Variants in ACSL3 observed in about 807,000 individuals in gnomAD.
ACSL3 encodes the protein fatty acid CoA ligase Acsl3.
Under a neutral mutation model 84.7 loss-of-function variants are expected in ACSL3, and 34 were observed. The ratio of observed to expected loss-of-function variants is 0.40; its 90% CI spans 0.31 to 0.53. ACSL3 has a LOEUF of 0.53. Among genes scored for constraint, ACSL3 ranks in the 20% least tolerant of loss-of-function variants. The pLI, the probability that ACSL3 is intolerant of heterozygous loss-of-function variation, is 0.48. For synonymous variants in ACSL3, 315 were observed against 299.4 expected, an observed-to-expected ratio of 1.05 and a Z score of -0.54; for missense variants, 680 against 873.1, an observed-to-expected ratio of 0.78 and a Z score of 2.79.
chr2:222,944,144 TCTACTTTC>T lies in ACSL3; in HGVS notation c.*2491_*2498del, dbSNP rs1203418002. On this transcript the variant is annotated 3_prime_UTR_variant, in exon 17 of 17. Transcript: ENST00000357430. ...ACACAGAACAAACCTGAAAGTAGTA[TCTACTTTC>T]TAAATACTACTTTGCTTTTCAGTAG... 2.6e-5 allele frequency: 4 copies of T among 152,134 alleles called. No individual in the cohort carries two copies. The highest frequency in any genetic ancestry group is 5.9e-5 in the Non-Finnish European group (4 of 67,984). The allele number at this position is 152,134 out of a possible 1,614,324, so 9.4% of individuals were successfully genotyped here.
intron 2 of ACSL3, among the ~76,000 whole-genome samples, chr2:222,893,349 T>A (rs1163129756): frequency 3.9e-5 from 6 of 152,154 alleles, no homozygotes; most frequent in African/African-American, 1.2e-4. Context: ...CTGCTTGCTC[T>A]GTCAGTAGGG....
At chr2:222,905,372 G>T (rs1159305135) in intron 3 of ACSL3, among the ~76,000 whole-genome samples, 2 of 152,116 alleles carry the variant, frequency 1.3e-5, no homozygotes, top group Non-Finnish European at 2.9e-5. Flanking sequence ...TATTGCCCCG[G>T]CTGGTCTTGA....
intron 11 of ACSL3, 129 bp downstream of exon 11, chr2:222,924,724 TA>T (rs1415077580): frequency 8.0e-6 from 9 of 1,118,822 alleles, no homozygotes; most frequent in Non-Finnish European, 1.1e-5. Context: ...GAGAACTCTT[TA>T]AAAAAAATCC....
chr2:222,872,155 G>A (rs1003868877), intron 1 of ACSL3, among the ~76,000 whole-genome samples: 4 of 152,080 alleles, frequency 2.6e-5, no homozygotes, highest in African/African-American at 7.2e-5. Context: ...ACGGAGTTTC[G>A]CTCTTGTTGC....
chr2:222,938,255 A>T lies in ACSL3; in HGVS notation c.2006-3242A>T, dbSNP rs552493250. On this transcript the variant is annotated intron_variant, in intron 16 of 16. Coordinates refer to ENST00000357430, the MANE Select transcript of ACSL3 (RefSeq NM_004457.5). ...GCCTATGTATTTACCTTTACCAAGG[A>T]GTATTGTAGTTTCTTATGGTTTTGT... 4.6e-5 allele frequency among the ~76,000 whole-genome samples: 7 copies of T among 152,160 alleles called. No homozygotes were observed. In the South Asian group the frequency reaches 1.2e-3, roughly 27 times the overall value.
chr2:222,926,760 A>G (rs1332670661), intron 11 of ACSL3, among the ~76,000 whole-genome samples: 2 of 152,220 alleles, frequency 1.3e-5, no homozygotes, highest in Non-Finnish European at 2.9e-5. Context: ...TCCTGTCACT[A>G]TACAAAACTA....
intron 3 of ACSL3, among the ~76,000 whole-genome samples, chr2:222,907,965 C>T (rs747467970): frequency 6.6e-6 from 1 of 152,094 alleles, no homozygotes. Context: ...TTCCTCATAA[C>T]ATTTATCACC....
In ACSL3 at chr2:222,908,729, C is replaced by G; in HGVS notation, c.-40-4C>G. 1 of 1,523,772 alleles carries G rather than the reference C, an allele frequency of 6.6e-7. No homozygotes were observed. The highest frequency in any genetic ancestry group is 2.4e-5 in the Admixed American group (1 of 40,896). The allele number at this position is 1,523,772 out of a possible 1,614,324, so 94.4% of individuals were successfully genotyped here. A position where few individuals can be genotyped will look rare whatever the true frequency, so the allele number is the denominator to read the frequency against. ...ACTAACGCCTTTCTTTTTCTTCCTC[C>G]TAGATTCTCGCTGAAGTCTGTTAAT... On this transcript the variant is annotated splice_region_variant and splice_polypyrimidine_tract_variant and intron_variant, in intron 3 of 16. Transcript: ENST00000357430.
chr2:222,936,614 C>CA (rs1559305257), intron 16 of ACSL3, among the ~76,000 whole-genome samples: 1 of 141,056 alleles, frequency 7.1e-6, no homozygotes, highest in Non-Finnish European at 1.5e-5. Flanking sequence ...ACCCTCCCCC[C>CA]CCACCCCACC....
Position 222,934,768 on chromosome 2 carries a change from G to A in ACSL3, c.2005+81G>A, listed in dbSNP as rs1044284472. ...TGCATTCAACCTGTTTTAAGGTTTAGGGTTCATTACTTTCTGCTCAGAAAC... is the reference window on the plus strand; with the variant it reads ...TGCATTCAACCTGTTTTAAGGTTTAAGGTTCATTACTTTCTGCTCAGAAAC... On this transcript the variant is annotated intron_variant, in intron 16 of 16. Coordinates refer to ENST00000357430, the MANE Select transcript of ACSL3 (RefSeq NM_004457.5). 7 of 1,443,040 alleles carry A rather than the reference G, an allele frequency of 4.9e-6. No homozygotes were observed. In the Admixed American group the frequency reaches 6.9e-5, roughly 14 times the overall value. 89.4% of individuals were successfully genotyped at this position (1,443,040 alleles called of 1,614,324 possible). A position where few individuals can be genotyped will look rare whatever the true frequency, so the allele number is the denominator to read the frequency against.
chr2:222,914,328 A>C (rs1354384749), intron 4 of ACSL3, among the ~76,000 whole-genome samples: 2 of 150,612 alleles, frequency 1.3e-5, no homozygotes, highest in Admixed American at 6.6e-5. Flanking sequence ...TAGTGGTATG[A>C]TCATAGCTCT....
At chr2:222,928,811 C>A in intron 12 of ACSL3, 51 bp from the exon 13 acceptor site, 2 of 1,375,510 alleles carry the variant, frequency 1.5e-6, no homozygotes, top group Non-Finnish European at 2.1e-6. Context: ...AAAAATGAAG[C>A]AGTGTATTAG....
In ACSL3 at chr2:222,908,836, C is replaced by A; in HGVS notation, c.64C>A (p.Leu22Ile). 6.2e-7 allele frequency: 1 copy of A among 1,605,268 alleles called. No individual in the cohort carries two copies. The highest frequency in any genetic ancestry group is 8.5e-7 in the Non-Finnish European group (1 of 1,175,146). The change falls in exon 4 of 17, where the codon CTT becomes ATT. Residue 22 changes from leucine to isoleucine, a missense_variant. Transcript: ENST00000357430. ...MKLKHTINPI[L>I]LYFIHFLISL... ...GCTAAAACATACCATCAACCCTATT[C>A]TTTTATATTTTATACATTTTCTAAT... is the stretch of plus-strand genomic sequence containing the variant.
chr2:222,918,092 A>G lies in ACSL3; in HGVS notation c.603A>G (p.Ala201=). Residue 201 remains alanine, a synonymous_variant, in exon 6 of 17, where the codon GCA becomes GCG. Coordinates refer to ENST00000357430, the MANE Select transcript of ACSL3 (RefSeq NM_004457.5). ...TAGGAGGTCCAGCCATTGTTCATGCATTAAATGAAACAGAGGTGACCAACA... is the reference window on the plus strand; with the variant it reads ...TAGGAGGTCCAGCCATTGTTCATGCGTTAAATGAAACAGAGGTGACCAACA... The part of the protein sequence containing the change: ...ATLGGPAIVH[A]LNETEVTNII... The G allele has an allele frequency of 6.2e-7, 1 of 1,612,944 alleles. No individual in the cohort carries two copies.
chr2:222,872,891 G>A (rs1406704243), intron 1 of ACSL3, among the ~76,000 whole-genome samples: 1 of 152,086 alleles, frequency 6.6e-6, no homozygotes, highest in East Asian at 1.9e-4. Context: ...CCACAAGAAG[G>A]GCAGGAGTTT....
chr2:222,861,373 C>G (rs1695001213), intron 1 of ACSL3, 115 bp downstream of exon 1: 1 of 151,700 alleles, frequency 6.6e-6, no homozygotes, highest in Admixed American at 6.6e-5. Flanking sequence ...ACCCTGTCGT[C>G]GGCGCCGCAC....
intron 1 of ACSL3, among the ~76,000 whole-genome samples, chr2:222,873,754 T>G (rs1409604596): frequency 6.6e-6 from 1 of 152,258 alleles, no homozygotes; most frequent in Non-Finnish European, 1.5e-5. Context: ...ATCTACTATA[T>G]GTACATAATG....
chr2:222,873,398 T>G, intron 1 of ACSL3, among the ~76,000 whole-genome samples: 1 of 152,222 alleles, frequency 6.6e-6, no homozygotes, highest in East Asian at 1.9e-4. Flanking sequence ...TACTATTCAA[T>G]TTCTTGTTTA....
chr2:222,895,111 C>A (rs1403495754), intron 2 of ACSL3, among the ~76,000 whole-genome samples: 2 of 152,208 alleles, frequency 1.3e-5, no homozygotes, highest in Non-Finnish European at 1.5e-5. Flanking sequence ...TTTCATACTC[C>A]AGCCTGCCTT....
Sources: gnomAD v4.1 joint callset for allele counts (sites outside exome capture counted in the v4.1 genomes callset) on GRCh38, gnomAD v4.1.1 for gene constraint, MANE v1.5 for transcripts, NCBI Gene and HGNC (gene_info 2026-07-23, HGNC 2026-07-21) for gene names.